Variants in MYO1H observed in about 807,000 individuals in gnomAD.
The protein encoded by MYO1H is myosin IH, also known as unconventional myosin-Ih.
A neutral mutation model predicts 149.3 loss-of-function variants in MYO1H; 118 were observed. The observed-to-expected ratio is 0.79, with a 90% CI of 0.68 to 0.92. The LOEUF is 0.92. Ranked by LOEUF, MYO1H falls within the 40% of genes least tolerant of loss-of-function variation. The pLI is 0.00. For synonymous variants in MYO1H, 447 were observed against 465.2 expected (o/e 0.96, Z 0.50); for missense variants, 1,212 against 1,280.7 (o/e 0.95, Z 0.82).
chr12:109,443,753 T>A, intron 28 of MYO1H, 104 bp downstream of exon 28: 1 of 1,343,162 alleles, frequency 7.4e-7, no homozygotes, highest in Non-Finnish European at 1.0e-6. Context: ...AGGGTGCCCA[T>A]AAACCCCGGG....
At chr12:109,406,467 TAAAAAAA>T (rs56744077) in intron 8 of MYO1H, among the ~76,000 whole-genome samples, 28 of 43,642 alleles carry the variant, frequency 6.4e-4, no homozygotes, top group African/African-American at 1.6e-3. Context: ...CCCTATCTCT[TAAAAAAA>T]AAAAAAAAAA....
intron 4 of MYO1H, among the ~76,000 whole-genome samples, chr12:109,396,824 T>G (rs980437677): frequency 1.6e-5 from 2 of 125,232 alleles, no homozygotes; most frequent in African/African-American, 6.1e-5. Context: ...GTTTTTTTTT[T>G]TTTTTTTTTT....
chr12:109,387,531 C>T (rs961598248), intron 1 of MYO1H, among the ~76,000 whole-genome samples: 5 of 152,314 alleles, frequency 3.3e-5, no homozygotes, highest in African/African-American at 7.2e-5. Flanking sequence ...TTAAAGTGAA[C>T]ACAATGTCAT....
chr12:109,441,443 C>T (rs559554634), intron 25 of MYO1H, among the ~76,000 whole-genome samples, 172 bp from the exon 26 acceptor site: 1 of 152,310 alleles, frequency 6.6e-6, no homozygotes, highest in South Asian at 2.1e-4. Flanking sequence ...ACCAATATGA[C>T]TTTCAGGGCA....
chr12:109,415,497 T>G, intron 14 of MYO1H, 29 bp from the exon 15 acceptor site: 1 of 1,564,946 alleles, frequency 6.4e-7, no homozygotes, highest in South Asian at 1.2e-5. Flanking sequence ...GAAAAGAAAG[T>G]TCAACTCGTG....
At chr12:109,389,303 A>G (rs886256015) in intron 2 of MYO1H, among the ~76,000 whole-genome samples, 2 of 152,162 alleles carry the variant, frequency 1.3e-5, no homozygotes, top group Admixed American at 1.3e-4. Context: ...GACATTGATC[A>G]GCTCTGATTG....
intron 1 of MYO1H, among the ~76,000 whole-genome samples, chr12:109,382,784 G>GTT (rs1869231872): frequency 6.6e-6 from 1 of 150,934 alleles, no homozygotes; most frequent in African/African-American, 2.4e-5. Flanking sequence ...TGTATATTGA[G>GTT]TTTGTTGTAC....
chr12:109,438,075 A>G (rs1436620150), intron 22 of MYO1H, among the ~76,000 whole-genome samples: 1 of 140,786 alleles, frequency 7.1e-6, no homozygotes, highest in African/African-American at 2.8e-5. Context: ...GCGACAGAGC[A>G]AGGCTCTGTC....
chr12:109,316,245 C>T, the MYO1H span, among the ~76,000 whole-genome samples: 1 of 152,164 alleles, frequency 6.6e-6, no homozygotes, highest in Non-Finnish European at 1.5e-5. Context: ...AGAATCCAAA[C>T]TTGTACTTTT....
At chr12:109,438,919 G>A (rs1871985546) in intron 23 of MYO1H, among the ~76,000 whole-genome samples, 2 of 152,200 alleles carry the variant, frequency 1.3e-5, no homozygotes, top group Non-Finnish European at 1.5e-5. Context: ...AAGACAACAG[G>A]GCATGGTGGA....
intron 1 of MYO1H, among the ~76,000 whole-genome samples, chr12:109,368,352 A>G (rs1277006229): frequency 6.6e-6 from 1 of 152,174 alleles, no homozygotes; most frequent in Non-Finnish European, 1.5e-5. Flanking sequence ...GACAACTTAC[A>G]GTCATTAAAA....
intron 1 of MYO1H, among the ~76,000 whole-genome samples, chr12:109,383,623 T>C (rs1456571666): frequency 1.3e-5 from 2 of 152,184 alleles, no homozygotes; most frequent in Non-Finnish European, 2.9e-5. Flanking sequence ...GTCATTGCAG[T>C]ATCAAAGAAG....
At chr12:109,422,416 T>G (rs901236639) in intron 16 of MYO1H, among the ~76,000 whole-genome samples, 3 of 152,150 alleles carry the variant, frequency 2.0e-5, no homozygotes, top group Admixed American at 6.5e-5. Context: ...CCTTCCCTGC[T>G]GGGGACCGTG....
At chr12:109,443,477 C>T (rs987494123) in intron 27 of MYO1H, 37 bp from the exon 28 acceptor site, 5 of 1,605,570 alleles carry the variant, frequency 3.1e-6, no homozygotes, top group African/African-American at 1.3e-5. Flanking sequence ...CGGTACTCTG[C>T]CCCACCTTCC....
intron 9 of MYO1H, 91 bp downstream of exon 9, chr12:109,406,951 A>G: frequency 8.5e-7 from 1 of 1,177,316 alleles, no homozygotes; most frequent in East Asian, 2.3e-5. Flanking sequence ...AGGGGAGGCC[A>G]AACCTTTGAT....
intron 12 of MYO1H, 55 bp downstream of exon 12, chr12:109,410,123 CT>C (rs1367570223): frequency 1.0e-5 from 9 of 866,488 alleles, no homozygotes; most frequent in African/African-American, 9.0e-5. Context: ...CTAAAGACTT[CT>C]TTTTTTAATT....
rs978324871 is a variant in MYO1H, at chr12:109,444,637, T to C, written c.2993+108T>C. On this transcript the variant is annotated intron_variant, in intron 30 of 31. Coordinates refer to ENST00000310903, the Ensembl canonical transcript of MYO1H. Reference sequence around the variant, plus strand: ...ATCCCAGCACTTTGGGAGGCTGAGGTGAGCAGATAACTTGAGGCTAGGAGT... The same window carrying C: ...ATCCCAGCACTTTGGGAGGCTGAGGCGAGCAGATAACTTGAGGCTAGGAGT... The C allele has an allele frequency of 1.3e-5, 11 of 829,292 alleles. No homozygotes were observed. The African/African-American group carries it at 1.7e-4, about 13-fold the overall frequency. 51.4% of individuals were successfully genotyped at this position (829,292 alleles called of 1,614,324 possible). A position where few individuals can be genotyped will look rare whatever the true frequency, so the allele number is the denominator to read the frequency against.
chr12:109,373,334 G>T (rs1869025335), intron 1 of MYO1H, among the ~76,000 whole-genome samples: 1 of 151,988 alleles, frequency 6.6e-6, no homozygotes, highest in Non-Finnish European at 1.5e-5. Context: ...AGACATAGCT[G>T]TATTTTTATA....
chr12:109,402,668 T>C (rs1008234616), intron 6 of MYO1H, among the ~76,000 whole-genome samples: 4 of 152,182 alleles, frequency 2.6e-5, no homozygotes, highest in African/African-American at 9.7e-5. Flanking sequence ...AATCTCATAA[T>C]CTAATTTTAT....
Sources: allele counts gnomAD v4.1 joint callset (sites outside exome capture counted in the v4.1 genomes callset), GRCh38; gene constraint gnomAD v4.1.1; transcripts MANE v1.5; gene names NCBI Gene and HGNC (gene_info 2026-07-23, HGNC 2026-07-21).